The following NAALADL2 variants were observed in gnomAD, a reference collection of about 807,000 sequenced individuals.
NAALADL2 encodes the protein inactive N-acetylated-alpha-linked acidic dipeptidase-like protein 2.
Under a neutral mutation model 87.2 loss-of-function variants are expected in NAALADL2, and 76 were observed. The ratio of observed to expected loss-of-function variants is 0.87; its 90% CI spans 0.72 to 1.05. The LOEUF (loss-of-function observed/expected upper bound fraction) is 1.05, where lower values mean the gene tolerates loss of function less well. Ranked by LOEUF, NAALADL2 falls within the 50% of genes least tolerant of loss-of-function variation. The pLI is 0.00. For missense variants in NAALADL2, 1,089 were observed against 945.8 expected, an observed-to-expected ratio of 1.15 and a Z score of -1.99; for synonymous variants, 354 against 331.0, an observed-to-expected ratio of 1.07 and a Z score of -0.75.
chr3:174,846,990 G>A (rs1416379695), intron 3 of NAALADL2, among the ~76,000 whole-genome samples: 1 of 152,174 alleles, frequency 6.6e-6, no homozygotes, highest in Non-Finnish European at 1.5e-5. Context: ...AGAGTTCAAT[G>A]ACAGTTAGGA....
chr3:175,333,698 A>AAG (rs143002582), intron 5 of NAALADL2, among the ~76,000 whole-genome samples: 4,109 of 152,134 alleles, frequency 0.027, 166 homozygotes, highest in African/African-American at 0.095. Context: ...CGGGGGGATG[A>AAG]AGAGAGGTTG....
intron 2 of NAALADL2, among the ~76,000 whole-genome samples, chr3:175,230,177 C>CA: frequency 6.6e-6 from 1 of 151,958 alleles, no homozygotes; most frequent in Non-Finnish European, 1.5e-5. Context: ...ACACATTCTC[C>CA]AAATAAACAC....
At chr3:175,452,249 T>C (rs1263850711) in intron 6 of NAALADL2, among the ~76,000 whole-genome samples, 4 of 150,998 alleles carry the variant, frequency 2.6e-5, no homozygotes, top group Admixed American at 6.6e-5. Context: ...CTCTCTCTCT[T>C]GCTATGTCTT....
intron 3 of NAALADL2, among the ~76,000 whole-genome samples, chr3:174,762,169 T>C (rs1210376214): frequency 6.6e-6 from 1 of 150,840 alleles, no homozygotes; most frequent in East Asian, 2.0e-4. Context: ...TCTTGCTTTT[T>C]TTTCTTTTGA....
intron 5 of NAALADL2, among the ~76,000 whole-genome samples, chr3:175,422,485 A>G (rs530126315): frequency 4.1e-4 from 62 of 152,252 alleles, no homozygotes; most frequent in African/African-American, 1.4e-3. Context: ...TCAAGTATCA[A>G]AATAACCTTA....
chr3:174,711,547 C>T (rs1730635139), intron 2 of NAALADL2, among the ~76,000 whole-genome samples: 1 of 152,224 alleles, frequency 6.6e-6, no homozygotes, highest in South Asian at 2.1e-4. Flanking sequence ...AATTTCTTTA[C>T]TCATTAAGGG....
chr3:174,823,531 A>AT (rs1290215273), intron 3 of NAALADL2, among the ~76,000 whole-genome samples: 1 of 152,194 alleles, frequency 6.6e-6, no homozygotes, highest in Non-Finnish European at 1.5e-5. Context: ...TGGTCAACAG[A>AT]TTTTATATGT....
chr3:174,920,617 C>T (rs141208546), intron 1 of NAALADL2, among the ~76,000 whole-genome samples: 19 of 152,248 alleles, frequency 1.2e-4, no homozygotes, highest in African/African-American at 3.1e-4. Flanking sequence ...GTCAGCAATA[C>T]GGTGGTTTTG....
chr3:174,897,840 G>A (rs912491104), intron 1 of NAALADL2, among the ~76,000 whole-genome samples: 2 of 138,150 alleles, frequency 1.4e-5, no homozygotes, highest in Non-Finnish European at 3.0e-5. Flanking sequence ...TCGGCCGGGC[G>A]CGGTGGCTCA....
At chr3:175,183,915 C>CTTTTTTTTCATTTTATTTAAAATAA (rs1446182192) in intron 2 of NAALADL2, among the ~76,000 whole-genome samples, 2 of 152,040 alleles carry the variant, frequency 1.3e-5, no homozygotes, top group Admixed American at 1.3e-4. Flanking sequence ...TATTTAAAAA[C>CTTTTTTTTCATTTTATTTAAAATAA]AAACTTTATT....
chr3:175,402,477 A>G (rs1770684606), intron 5 of NAALADL2, among the ~76,000 whole-genome samples: 1 of 152,184 alleles, frequency 6.6e-6, no homozygotes, highest in African/African-American at 2.4e-5. Context: ...GCTTACTATA[A>G]TACACAAATA....
chr3:175,524,987 G>T (rs4588372), intron 9 of NAALADL2, among the ~76,000 whole-genome samples: 16,704 of 152,088 alleles, frequency 0.11, 3,093 homozygotes, highest in African/African-American at 0.38. Flanking sequence ...AAAGAAGGCA[G>T]GATCAAATTG....
chr3:175,061,835 A>T (rs773963455), intron 1 of NAALADL2, among the ~76,000 whole-genome samples: 7 of 151,312 alleles, frequency 4.6e-5, no homozygotes, highest in Non-Finnish European at 8.8e-5. Context: ...AGCCATTCTA[A>T]GTTGTACTAA....
chr3:175,637,452 G>A (rs1728705910), intron 11 of NAALADL2, among the ~76,000 whole-genome samples: 2 of 152,136 alleles, frequency 1.3e-5, no homozygotes, highest in Admixed American at 1.3e-4. Context: ...GCCCAGTGTT[G>A]GAGGTGTGGC....
At chr3:174,876,414 CCTT>C (rs1268335548) in intron 1 of NAALADL2, among the ~76,000 whole-genome samples, 2 of 152,140 alleles carry the variant, frequency 1.3e-5, no homozygotes, top group African/African-American at 4.8e-5. Context: ...CACCACATAA[CCTT>C]CTTATAATAC....
At chr3:175,429,279 C>G (rs747423297) in intron 5 of NAALADL2, among the ~76,000 whole-genome samples, 28 of 151,516 alleles carry the variant, frequency 1.8e-4, no homozygotes, top group Non-Finnish European at 3.7e-4. Flanking sequence ...CAGATACGCC[C>G]TGGGGAGAGC....
At chr3:175,132,237 G>C (rs1420513336) in intron 2 of NAALADL2, among the ~76,000 whole-genome samples, 6 of 60,926 alleles carry the variant, frequency 9.8e-5, no homozygotes, top group Non-Finnish European at 1.7e-4. Flanking sequence ...TCACCTCCCG[G>C]ACGGGGCGGC....
intron 1 of NAALADL2, among the ~76,000 whole-genome samples, chr3:174,894,996 C>A (rs1731328859): frequency 6.6e-6 from 1 of 151,848 alleles, no homozygotes. Context: ...AATGAAAATA[C>A]AACATACCAA....
At chr3:175,403,887 T>A (rs1029865681) in intron 5 of NAALADL2, among the ~76,000 whole-genome samples, 1 of 152,134 alleles carries the variant, frequency 6.6e-6, no homozygotes, top group East Asian at 1.9e-4. Context: ...ATAAACTTTA[T>A]GTATTTGTTT....
Sources: gnomAD v4.1 joint callset for allele counts (sites outside exome capture counted in the v4.1 genomes callset) on GRCh38, gnomAD v4.1.1 for gene constraint, MANE v1.5 for transcripts, NCBI Gene and HGNC (gene_info 2026-07-23, HGNC 2026-07-21) for gene names.